Variants in DNAJC1 observed in about 807,000 individuals in gnomAD.
DNAJC1 encodes dnaJ homolog subfamily C member 1.
Under a neutral mutation model 76.6 loss-of-function variants are expected in DNAJC1, and 58 were observed. The ratio of observed to expected loss-of-function variants is 0.76; its 90% confidence interval spans 0.61 to 0.94. The LOEUF (loss-of-function observed/expected upper bound fraction) is 0.94. Among genes scored for constraint, DNAJC1 ranks in the 40% least tolerant of loss-of-function variants. The pLI is 0.00. For synonymous variants in DNAJC1, 258 were observed against 267.9 expected (o/e 0.96, Z 0.36); for missense variants, 689 against 677.3 (o/e 1.02, Z -0.19).
chr10:21,771,504 CT>C lies in DNAJC1; in HGVS notation c.1099-5196del, dbSNP rs58483474. Among the ~76,000 whole-genome samples, 973 of 145,990 alleles carry C rather than the reference CT, an allele frequency of 6.7e-3. 6 individuals are homozygous for C. Among genetic ancestry groups the C allele is most frequent in the African/African-American group, 0.021 (826 of 40,096 alleles). On this transcript the variant is annotated intron_variant, in intron 9 of 11. Transcript: ENST00000376980. ...CAAGGGTGTTGGGTTTTGTCAAACA[CT>C]TTTTTTTTTTTGAGACGCAGTCTCG...
chr10:21,894,743 C>T (rs897922446), intron 7 of DNAJC1, among the ~76,000 whole-genome samples: 3 of 152,166 alleles, frequency 2.0e-5, no homozygotes, highest in Non-Finnish European at 4.4e-5. Flanking sequence ...AGAGGTGGAG[C>T]CTTTGGAAAG....
At chr10:21,893,183 T>A (rs757628120) in intron 7 of DNAJC1, among the ~76,000 whole-genome samples, 12 of 152,026 alleles carry the variant, frequency 7.9e-5, no homozygotes, top group Non-Finnish European at 1.6e-4. Context: ...TGCTTCCTAA[T>A]GAAAAGGGAA....
intron 6 of DNAJC1, among the ~76,000 whole-genome samples, chr10:21,913,124 T>G (rs1170262371): frequency 6.6e-6 from 1 of 152,122 alleles, no homozygotes. Flanking sequence ...TATGACAATT[T>G]TTATTTGACT....
intron 8 of DNAJC1, among the ~76,000 whole-genome samples, chr10:21,881,423 AT>A (rs889098883): frequency 2.1e-4 from 32 of 152,156 alleles, no homozygotes; most frequent in African/African-American, 6.8e-4. Flanking sequence ...AAGCTTAATC[AT>A]TTTTATGTAA....
intron 8 of DNAJC1, among the ~76,000 whole-genome samples, chr10:21,868,841 C>T (rs1002180666): frequency 6.6e-6 from 1 of 151,966 alleles, no homozygotes; most frequent in African/African-American, 2.4e-5. Context: ...CCTCATTATA[C>T]CCTCCTCCCT....
intron 1 of DNAJC1, among the ~76,000 whole-genome samples, chr10:21,939,101 G>C (rs1007904495): frequency 1.3e-5 from 2 of 152,148 alleles, no homozygotes; most frequent in African/African-American, 4.8e-5. Flanking sequence ...ATGTTGGCCA[G>C]GATGGTCTTG....
chr10:21,933,146 T>A (rs183006227), intron 1 of DNAJC1: 1 of 152,382 alleles, frequency 6.6e-6, no homozygotes, highest in Admixed American at 6.5e-5. Context: ...AGCTTGGGGA[T>A]GTGAGGGGGA....
chr10:21,986,829 G>A (rs1198427470), intron 1 of DNAJC1, among the ~76,000 whole-genome samples: 3 of 151,868 alleles, frequency 2.0e-5, no homozygotes, highest in Non-Finnish European at 4.4e-5. Context: ...GTGCAATGGC[G>A]CGATCTCAGC....
intron 9 of DNAJC1, among the ~76,000 whole-genome samples, chr10:21,772,756 C>T (rs374035408): frequency 1.1e-4 from 17 of 151,726 alleles, no homozygotes; most frequent in African/African-American, 2.2e-4. Flanking sequence ...TGTAATAGTC[C>T]GCTCTCACAT....
chr10:21,893,162 CA>C (rs1836484975), intron 7 of DNAJC1, among the ~76,000 whole-genome samples: 1 of 151,746 alleles, frequency 6.6e-6, no homozygotes, highest in African/African-American at 2.4e-5. Context: ...GAATTTAACT[CA>C]TACAGAGTAT....
intron 6 of DNAJC1, among the ~76,000 whole-genome samples, chr10:21,907,711 T>A (rs1836769192): frequency 6.6e-6 from 1 of 151,396 alleles, no homozygotes; most frequent in Non-Finnish European, 1.5e-5. Flanking sequence ...GTGTGGTGGC[T>A]CACACCTGCA....
intron 7 of DNAJC1, among the ~76,000 whole-genome samples, chr10:21,893,531 G>A (rs1482982576): frequency 2.0e-5 from 3 of 151,956 alleles, no homozygotes; most frequent in Middle Eastern, 3.2e-3. Context: ...GGAGGCTGAG[G>A]TGAGAGAATT....
intron 9 of DNAJC1, among the ~76,000 whole-genome samples, chr10:21,805,110 G>A (rs1834868261): frequency 6.6e-6 from 1 of 151,988 alleles, no homozygotes. Context: ...ACTATAAAAG[G>A]CCTAAAGGTA....
At position 22,003,501 on chromosome 10, in the gene DNAJC1, G is replaced by C; in HGVS notation, c.-67C>G. The stretch of plus-strand genomic sequence containing the variant: ...GGCCGAGAGCTGGGACGTGGCGGGC[G>C]GCGCTGGCTGTGGGGAACAGCGCCT... On this transcript the variant is annotated 5_prime_UTR_variant, in exon 1 of 12. Transcript: ENST00000376980. The C allele has an allele frequency of 7.7e-7, 1 of 1,301,688 alleles. No homozygotes were observed. The highest frequency in any genetic ancestry group is 9.7e-7 in the Non-Finnish European group (1 of 1,031,006). 80.6% of individuals were successfully genotyped at this position (1,301,688 alleles called of 1,614,324 possible).
intron 9 of DNAJC1, among the ~76,000 whole-genome samples, chr10:21,795,072 T>C (rs1401448290): frequency 6.6e-6 from 1 of 152,148 alleles, no homozygotes; most frequent in Admixed American, 6.5e-5. Flanking sequence ...AGATTTGGGA[T>C]GTCTAACCTA....
At chr10:21,868,766 C>T (rs1008153999) in intron 8 of DNAJC1, among the ~76,000 whole-genome samples, 1 of 151,854 alleles carries the variant, frequency 6.6e-6, no homozygotes, top group African/African-American at 2.4e-5. Context: ...CACTGAGGTC[C>T]AAGGGATCCC....
chr10:21,898,641 C>T (rs779823360), intron 7 of DNAJC1, among the ~76,000 whole-genome samples: 2 of 151,700 alleles, frequency 1.3e-5, no homozygotes, highest in African/African-American at 2.4e-5. Context: ...CAACCTCCAC[C>T]TCCTGGGTTC....
chr10:21,852,157 AGATT>A (rs1835767763), intron 8 of DNAJC1, among the ~76,000 whole-genome samples: 3 of 151,994 alleles, frequency 2.0e-5, no homozygotes, highest in Admixed American at 1.3e-4. Flanking sequence ...AGCCATAAAA[AGATT>A]GATACTAGCT....
At chr10:21,921,603 T>C (rs1362219446) in intron 3 of DNAJC1, among the ~76,000 whole-genome samples, 2 of 151,988 alleles carry the variant, frequency 1.3e-5, no homozygotes, top group East Asian at 3.8e-4. Context: ...GTGTTTATGT[T>C]GGATTTCTCA....
Sources: allele counts gnomAD v4.1 joint callset (sites outside exome capture counted in the v4.1 genomes callset), GRCh38; gene constraint gnomAD v4.1.1; transcripts MANE v1.5; gene names NCBI Gene and HGNC (gene_info 2026-07-23, HGNC 2026-07-21).